Variants in TUSC3 observed in about 807,000 individuals in gnomAD.
TUSC3 encodes dolichyl-diphosphooligosaccharide--protein glycosyltransferase subunit TUSC3.
In TUSC3, 45 loss-of-function variants were observed where a neutral mutation model predicts 44.8. The observed-to-expected ratio is 1.00, with a 90% CI of 0.79 to 1.29. The LOEUF (loss-of-function observed/expected upper bound fraction) is 1.29. Ranked by LOEUF, TUSC3 falls within the 50% of genes most tolerant of loss-of-function variation. The probability of loss-of-function intolerance (pLI) is 0.00; values close to 1 mark genes in which losing one functional copy is unlikely to be tolerated. For missense variants in TUSC3, 519 were observed against 437.9 expected (o/e 1.19, Z -1.65); for synonymous variants, 212 against 152.9 (o/e 1.39, Z -2.85).
intron 1 of TUSC3, among the ~76,000 whole-genome samples, chr8:15,452,507 T>C (rs1216442306): frequency 6.6e-6 from 1 of 152,066 alleles, no homozygotes; most frequent in Non-Finnish European, 1.5e-5. Flanking sequence ...TCTCAAACTT[T>C]AAAAGGTAAA....
intron 2 of TUSC3, among the ~76,000 whole-genome samples, chr8:15,633,152 C>T (rs531921738): frequency 1.4e-3 from 209 of 152,196 alleles, no homozygotes; most frequent in African/African-American, 4.7e-3. Context: ...CAGTTAGATA[C>T]GTATTATTGT....
At chr8:15,452,863 A>G (rs1205048301) in intron 1 of TUSC3, among the ~76,000 whole-genome samples, 2 of 152,152 alleles carry the variant, frequency 1.3e-5, no homozygotes, top group African/African-American at 4.8e-5. Flanking sequence ...TGGTCTGCCC[A>G]TTGCCTTCTT....
At chr8:15,637,061 G>A (rs1229445233) in intron 2 of TUSC3, among the ~76,000 whole-genome samples, 1 of 152,114 alleles carries the variant, frequency 6.6e-6, no homozygotes, top group African/African-American at 2.4e-5. Flanking sequence ...ATTCTAGGTT[G>A]CCTTTTTCAG....
Position 15,540,384 on chromosome 8 carries a change from T to C in TUSC3, c.-47T>C, listed in dbSNP as rs758846519. 5 of 1,507,378 alleles carry C rather than the reference T, an allele frequency of 3.3e-6. No individual in the cohort carries two copies. The South Asian group carries it at 3.8e-5, about 11-fold the overall frequency. The allele number at this position is 1,507,378 out of a possible 1,614,324, so 93.4% of individuals were successfully genotyped here. On this transcript the variant is annotated 5_prime_UTR_variant, in exon 1 of 11. Transcript: ENST00000503731. ...GGCAGGCGTGGTGCGCGGTAGGAGC[T>C]GGGCGCGCACGGCTACCGCGCGTGG...
At chr8:15,539,563 G>C (rs562591895), upstream of TUSC3, among the ~76,000 whole-genome samples, 16 of 151,898 alleles carry the variant, frequency 1.1e-4, 1 homozygote, top group South Asian at 2.7e-3. Flanking sequence ...GTTACGGCAG[G>C]CTGGTCTTGA....
chr8:15,800,640 C>A, the TUSC3 span, among the ~76,000 whole-genome samples: 1 of 151,890 alleles, frequency 6.6e-6, no homozygotes, highest in African/African-American at 2.4e-5. Flanking sequence ...CAGAGCAATA[C>A]TGATTTTATG....
intron 3 of TUSC3, among the ~76,000 whole-genome samples, chr8:15,657,138 T>C (rs1045941547): frequency 2.0e-5 from 3 of 152,230 alleles, no homozygotes; most frequent in Admixed American, 2.0e-4. Context: ...CCTTTCCATC[T>C]CTGCTAATCT....
intron 2 of TUSC3, among the ~76,000 whole-genome samples, chr8:15,511,287 G>A (rs935830605): frequency 6.6e-6 from 1 of 151,980 alleles, no homozygotes; most frequent in Non-Finnish European, 1.5e-5. Context: ...AAGGGAGGGA[G>A]GGAGGTGAGG....
chr8:15,440,977 T>G (rs1333142582), intron 1 of TUSC3, among the ~76,000 whole-genome samples: 1 of 152,192 alleles, frequency 6.6e-6, no homozygotes, highest in East Asian at 1.9e-4. Context: ...GATGTAGAGG[T>G]GCTGGAGGCA....
the TUSC3 span, chr8:15,806,818 C>T: frequency 3.3e-6 from 3 of 899,048 alleles, no homozygotes; most frequent in African/African-American, 3.3e-5. Context: ...AAGAAATGAA[C>T]TTTCCTGTTC....
the TUSC3 span, among the ~76,000 whole-genome samples, chr8:15,775,691 C>T: frequency 0.37 from 53,855 of 146,098 alleles, 10,631 homozygotes; most frequent in Non-Finnish European, 0.45. Flanking sequence ...TACATATGTA[C>T]ACACACACAT....
At chr8:15,487,952 A>T (rs2129125502) in intron 2 of TUSC3, among the ~76,000 whole-genome samples, 1 of 150,970 alleles carries the variant, frequency 6.6e-6, no homozygotes, top group East Asian at 1.9e-4. Context: ...ATTATTGAAA[A>T]CACTCTCGTC....
At chr8:15,461,615 C>G (rs554850225) in intron 1 of TUSC3, among the ~76,000 whole-genome samples, 2 of 151,920 alleles carry the variant, frequency 1.3e-5, no homozygotes, top group South Asian at 4.2e-4. Flanking sequence ...TTTTTCCAGT[C>G]CTCAGAGGGA....
At position 15,614,028 on chromosome 8, in the gene TUSC3, TTTC is replaced by T. The variant is rs200381077; in HGVS notation, c.139-9051_139-9049del. On this transcript the variant is annotated intron_variant, in intron 1 of 10. Coordinates refer to ENST00000503731, the MANE Select transcript of TUSC3 (RefSeq NM_006765.4). ...TGGTGTTTTGTTATTTTTTTTTTTT[TTTC>T]GGTGGGGGTCTGAGTTAAGAACTCC... is the stretch of plus-strand genomic sequence containing the variant. Among the ~76,000 whole-genome samples the T allele has an allele frequency of 3.6e-3, 396 of 109,536 alleles. 2 individuals carry two copies. The highest frequency in any genetic ancestry group is 4.1e-3 in the African/African-American group (136 of 33,164). The allele number at this position is 109,536 out of a possible 152,430, so 71.9% of individuals were successfully genotyped here. A position where few individuals can be genotyped will look rare whatever the true frequency, so the allele number is the denominator to read the frequency against.
chr8:15,455,876 G>T (rs1255706852), intron 1 of TUSC3, among the ~76,000 whole-genome samples: 3 of 152,206 alleles, frequency 2.0e-5, no homozygotes, highest in African/African-American at 7.2e-5. Flanking sequence ...GGATAGAGGA[G>T]ACTGAATTCT....
intron 6 of TUSC3, among the ~76,000 whole-genome samples, chr8:15,696,838 T>C (rs1014994898): frequency 6.6e-6 from 1 of 152,194 alleles, no homozygotes; most frequent in Non-Finnish European, 1.5e-5. Flanking sequence ...CTTCTTTCTC[T>C]GTCTTGTGGT....
intron 2 of TUSC3, among the ~76,000 whole-genome samples, chr8:15,490,178 G>A (rs1800788573): frequency 6.6e-6 from 1 of 152,118 alleles, no homozygotes; most frequent in Non-Finnish European, 1.5e-5. Context: ...AACAAGTGAT[G>A]GTGAGTAATC....
chr8:15,557,600 G>A lies in TUSC3; in HGVS notation c.138+17032G>A, dbSNP rs1475066389. On this transcript the variant is annotated intron_variant, in intron 1 of 10. Coordinates refer to ENST00000503731, the MANE Select transcript of TUSC3 (RefSeq NM_006765.4). The stretch of plus-strand genomic sequence containing the variant: ...ATCTATAAATTACCTTGGGCAGTAC[G>A]GCCATTTTCATGATATTGATTCTTC... Among the ~76,000 whole-genome samples the A allele has an allele frequency of 5.0e-5, 5 of 99,544 alleles. 1 individual carries two copies. Among genetic ancestry groups the A allele is most frequent in the Non-Finnish European group, 9.1e-5 (4 of 43,896 alleles). 65.3% of individuals were successfully genotyped at this position (99,544 alleles called of 152,430 possible).
the TUSC3 span, among the ~76,000 whole-genome samples, chr8:15,801,278 A>G: frequency 1.5e-4 from 23 of 152,234 alleles, no homozygotes; most frequent in Non-Finnish European, 4.4e-5. Context: ...ATACATTTTT[A>G]CTATTTTCTT....
Sources: gnomAD v4.1 joint callset for allele counts (sites outside exome capture counted in the v4.1 genomes callset) on GRCh38, gnomAD v4.1.1 for gene constraint, MANE v1.5 for transcripts, NCBI Gene and HGNC (gene_info 2026-07-23, HGNC 2026-07-21) for gene names.